Variants in MCTP1 observed in about 807,000 individuals in gnomAD.
The protein encoded by MCTP1 is multiple C2 and transmembrane domain containing 1, also known as multiple C2 and transmembrane domain-containing protein 1.
Under a neutral mutation model 120.6 loss-of-function variants are expected in MCTP1, and 69 were observed. That is an observed-to-expected ratio of 0.57 (90% CI 0.47 to 0.70). The LOEUF (loss-of-function observed/expected upper bound fraction) is 0.70. MCTP1 is among the 30% of genes least tolerant of loss of function. MCTP1 has a pLI of 0.00. For missense variants in MCTP1, 1,203 were observed against 1,248.8 expected, an observed-to-expected ratio of 0.96 and a Z score of 0.55; for synonymous variants, 529 against 493.1, an observed-to-expected ratio of 1.07 and a Z score of -0.96.
chr5:95,243,936 G>C (rs1035641255), intron 1 of MCTP1, among the ~76,000 whole-genome samples: 1 of 152,222 alleles, frequency 6.6e-6, no homozygotes, highest in Non-Finnish European at 1.5e-5. Flanking sequence ...AGTATTCGAA[G>C]ACGATTCTCC....
chr5:94,937,428 A>G (rs2153494136), intron 5 of MCTP1, among the ~76,000 whole-genome samples: 1 of 152,162 alleles, frequency 6.6e-6, no homozygotes, highest in South Asian at 2.1e-4. Context: ...TACGATGAAG[A>G]GAAAGGAAAA....
At chr5:94,953,491 A>G in intron 2 of MCTP1, 130 bp from the exon 3 acceptor site, 1 of 587,780 alleles carries the variant, frequency 1.7e-6, no homozygotes, top group Non-Finnish European at 2.6e-6. Flanking sequence ...CAGAAATAAG[A>G]GTTAAGTGTT....
intron 19 of MCTP1, among the ~76,000 whole-genome samples, chr5:94,719,987 G>A (rs996786215): frequency 4.6e-5 from 7 of 151,992 alleles, no homozygotes; most frequent in African/African-American, 1.4e-4. Context: ...TTAGCCGGGC[G>A]TGGTGGTGCA....
At chr5:95,108,389 A>G (rs890557704) in intron 1 of MCTP1, among the ~76,000 whole-genome samples, 51 of 152,026 alleles carry the variant, frequency 3.4e-4, no homozygotes, top group African/African-American at 1.2e-3. Context: ...ATTCACTGTC[A>G]CAGAGCAACC....
At chr5:94,824,439 G>T (rs1056270457) in intron 17 of MCTP1, among the ~76,000 whole-genome samples, 4 of 152,118 alleles carry the variant, frequency 2.6e-5, no homozygotes, top group African/African-American at 4.8e-5. Flanking sequence ...TGCTGGATTC[G>T]TTTTGCCAGT....
chr5:94,992,148 C>G (rs378228), intron 2 of MCTP1, among the ~76,000 whole-genome samples: 5 of 151,978 alleles, frequency 3.3e-5, no homozygotes, highest in Non-Finnish European at 5.9e-5. Flanking sequence ...ACTACAATGC[C>G]GCGTGCCAGA....
At chr5:94,986,555 G>T (rs945130069) in intron 2 of MCTP1, among the ~76,000 whole-genome samples, 1 of 152,140 alleles carries the variant, frequency 6.6e-6, no homozygotes, top group Non-Finnish European at 1.5e-5. Flanking sequence ...TGTCACCCAG[G>T]CTGGAGTGCA....
chr5:95,246,580 G>C (rs1168731782), intron 1 of MCTP1, among the ~76,000 whole-genome samples: 1 of 152,074 alleles, frequency 6.6e-6, no homozygotes, highest in Non-Finnish European at 1.5e-5. Flanking sequence ...ACTACATAAT[G>C]GTAAAGAGAT....
chr5:95,167,148 C>T (rs1013541038), intron 1 of MCTP1, among the ~76,000 whole-genome samples: 7 of 152,016 alleles, frequency 4.6e-5, no homozygotes, highest in South Asian at 2.1e-4. Context: ...CACCTATGAG[C>T]GAGAACATGC....
chr5:95,035,325 T>C (rs1302060724), intron 1 of MCTP1, among the ~76,000 whole-genome samples: 2 of 152,058 alleles, frequency 1.3e-5, no homozygotes, highest in Non-Finnish European at 2.9e-5. Flanking sequence ...AACCTAAGTG[T>C]CCATCAGCAG....
At chr5:94,980,531 T>C (rs559585999) in intron 2 of MCTP1, among the ~76,000 whole-genome samples, 1 of 152,260 alleles carries the variant, frequency 6.6e-6, no homozygotes, top group East Asian at 1.9e-4. Context: ...TTATGTGATA[T>C]AGTATATTTT....
intron 1 of MCTP1, among the ~76,000 whole-genome samples, chr5:95,023,677 G>A (rs1197402511): frequency 6.6e-6 from 1 of 152,154 alleles, no homozygotes; most frequent in Non-Finnish European, 1.5e-5. Flanking sequence ...AAATCAGCAG[G>A]CTGATTATGG....
intron 1 of MCTP1, among the ~76,000 whole-genome samples, chr5:95,189,334 T>C (rs1399345549): frequency 6.6e-6 from 1 of 152,194 alleles, no homozygotes; most frequent in Non-Finnish European, 1.5e-5. Context: ...TCTAGGATGA[T>C]GGAAATATAA....
intron 1 of MCTP1, among the ~76,000 whole-genome samples, chr5:95,111,989 T>C (rs1757490283): frequency 6.6e-6 from 1 of 152,198 alleles, no homozygotes; most frequent in African/African-American, 2.4e-5. Context: ...TATCTTGGTA[T>C]TTCCTGTACT....
At chr5:95,268,967 G>A (rs1055344590) in intron 1 of MCTP1, among the ~76,000 whole-genome samples, 2 of 152,146 alleles carry the variant, frequency 1.3e-5, no homozygotes, top group South Asian at 2.1e-4. Flanking sequence ...CTATAACATA[G>A]CAGTTAGACT....
At chr5:95,036,402 A>G (rs1388434100) in intron 1 of MCTP1, among the ~76,000 whole-genome samples, 1 of 152,186 alleles carries the variant, frequency 6.6e-6, no homozygotes, top group Admixed American at 6.5e-5. Context: ...TACTGCTTCT[A>G]TGGATTTACG....
intron 1 of MCTP1, among the ~76,000 whole-genome samples, chr5:95,022,474 T>C (rs1398797856): frequency 6.6e-6 from 1 of 152,178 alleles, no homozygotes; most frequent in Middle Eastern, 3.2e-3. Flanking sequence ...CCACATTCTA[T>C]CTCAAATGTC....
At chr5:95,147,441 G>C (rs1760497304) in intron 1 of MCTP1, among the ~76,000 whole-genome samples, 1 of 152,126 alleles carries the variant, frequency 6.6e-6, no homozygotes, top group Non-Finnish European at 1.5e-5. Flanking sequence ...TGAACCCTTT[G>C]CCATTATGTA....
At chr5:95,161,730 A>T (rs924128248) in intron 1 of MCTP1, among the ~76,000 whole-genome samples, 1 of 152,158 alleles carries the variant, frequency 6.6e-6, no homozygotes, top group South Asian at 2.1e-4. Flanking sequence ...AATAAAATTT[A>T]AAAAAAGGTT....
Sources: gnomAD v4.1 joint callset for allele counts (sites outside exome capture counted in the v4.1 genomes callset) on GRCh38, gnomAD v4.1.1 for gene constraint, MANE v1.5 for transcripts, NCBI Gene and HGNC (gene_info 2026-07-23, HGNC 2026-07-21) for gene names.